The following HAAO variants were observed in gnomAD, a reference collection of about 807,000 sequenced individuals.
HAAO encodes the protein 3-hydroxyanthranilate 3,4-dioxygenase, also known as 3-hydroxyanthranilate oxygenase.
In HAAO, 49 loss-of-function variants were observed where a neutral mutation model predicts 46.2. That is an observed-to-expected ratio of 1.06 (90% CI 0.84 to 1.34). The LOEUF (loss-of-function observed/expected upper bound fraction) is 1.34. HAAO is among the 40% of genes most tolerant of loss of function. HAAO has a pLI of 0.00. For missense variants in HAAO, 408 were observed against 364.5 expected (o/e 1.12, Z -0.97); for synonymous variants, 157 against 145.2 (o/e 1.08, Z -0.58).
chr2:42,784,232 C>T (rs1031169570), intron 2 of HAAO, among the ~76,000 whole-genome samples: 3 of 152,138 alleles, frequency 2.0e-5, no homozygotes, highest in Non-Finnish European at 2.9e-5. Context: ...GGCACTTTTC[C>T]ACCAGAAACC....
intron 1 of HAAO, among the ~76,000 whole-genome samples, chr2:42,791,566 G>C (rs561649232): frequency 6.6e-6 from 1 of 152,238 alleles, no homozygotes; most frequent in South Asian, 2.1e-4. Flanking sequence ...GGAGCCTATC[G>C]CACAGGCGCT....
In HAAO at chr2:42,768,926, T is replaced by G. The variant is rs902229270; in HGVS notation, c.630+787A>C. Among the ~76,000 whole-genome samples the G allele has an allele frequency of 4.6e-5, 7 of 152,286 alleles. No homozygotes were observed. In the East Asian group the frequency reaches 1.4e-3, roughly 29 times the overall value. On this transcript the variant is annotated intron_variant, in intron 7 of 9. Transcript: ENST00000294973. ...CGGCTGCTCCCAGTGCCAGGCTGTT[T>G]CAAGCCTGAAACAGCTCATGCTCAT...
At chr2:42,785,248 G>T (rs1214759056) in intron 2 of HAAO, among the ~76,000 whole-genome samples, 1 of 152,144 alleles carries the variant, frequency 6.6e-6, no homozygotes, top group African/African-American at 2.4e-5. Flanking sequence ...ATTGATGATG[G>T]TAAGAATGAC....
chr2:42,792,546 G>A lies in HAAO; in HGVS notation c.-10C>T. The A allele has an allele frequency of 1.9e-6, 3 of 1,549,270 alleles. No individual in the cohort carries two copies. The highest frequency in any genetic ancestry group is 1.7e-6 in the Non-Finnish European group (2 of 1,150,486). ...CCAGGCGGCGCTCCATGACTGTCCCGGGCGCCTCCTCGCAGCGCTGTCCTC... is the reference window on the plus strand; with the variant it reads ...CCAGGCGGCGCTCCATGACTGTCCCAGGCGCCTCCTCGCAGCGCTGTCCTC... On this transcript the variant is annotated 5_prime_UTR_variant, in exon 1 of 10. Coordinates refer to ENST00000294973, the MANE Select transcript of HAAO (RefSeq NM_012205.3).
In HAAO at chr2:42,767,389, CGAG is replaced by C. The variant is rs748119098; in HGVS notation, c.*45_*47del. Reference sequence around the variant, plus strand: ...AGAGTTGTTTGGCAGGGATGGCACTCGAGGGTGCTTGGCACACCTGTGGCTGCT... The same window carrying C: ...AGAGTTGTTTGGCAGGGATGGCACTCGGTGCTTGGCACACCTGTGGCTGCT... On this transcript the variant is annotated 3_prime_UTR_variant, in exon 10 of 10. Coordinates refer to ENST00000294973, the MANE Select transcript of HAAO (RefSeq NM_012205.3). 664 of 1,353,806 alleles carry C rather than the reference CGAG, an allele frequency of 4.9e-4. 1 individual carries two copies. The highest frequency in any genetic ancestry group is 6.4e-4 in the African/African-American group (45 of 70,242). 83.9% of individuals were successfully genotyped at this position (1,353,806 alleles called of 1,614,324 possible).
At position 42,783,434 on chromosome 2, in the gene HAAO, G is replaced by A. The variant is rs1395636480; in HGVS notation, c.244-14C>T. 15 of 1,518,358 alleles carry A rather than the reference G, an allele frequency of 9.9e-6. No homozygotes were observed. The highest frequency in any genetic ancestry group is 1.7e-5 in the Admixed American group (1 of 59,066). The allele number at this position is 1,518,358 out of a possible 1,614,324, so 94.1% of individuals were successfully genotyped here. On this transcript the variant is annotated splice_polypyrimidine_tract_variant and intron_variant, in intron 3 of 9. Transcript: ENST00000294973. ...CAGGAGGAATATCTGCAGTGGTAGA[G>A]ATAAGGTGCACAGTGAGGCTGCAAT...
chr2:42,775,052 G>C (rs1671437320), intron 4 of HAAO, among the ~76,000 whole-genome samples: 2 of 152,082 alleles, frequency 1.3e-5, no homozygotes, highest in Non-Finnish European at 2.9e-5. Context: ...TTCCAGACTA[G>C]CCTGACCAAC....
intron 4 of HAAO, among the ~76,000 whole-genome samples, chr2:42,777,067 C>T (rs1007534050): frequency 2.6e-5 from 4 of 151,518 alleles, no homozygotes; most frequent in African/African-American, 7.3e-5. Flanking sequence ...TTTGGGAGGC[C>T]GAGGTGGGTT....
chr2:42,787,960 C>T (rs1047718493), intron 2 of HAAO, among the ~76,000 whole-genome samples: 14 of 152,114 alleles, frequency 9.2e-5, no homozygotes, highest in African/African-American at 2.4e-4. Context: ...CCACAAGCCA[C>T]GAATGGGTTT....
At chr2:42,771,444 TAAAA>T (rs112130512) in intron 4 of HAAO, among the ~76,000 whole-genome samples, 1 of 124,730 alleles carries the variant, frequency 8.0e-6, no homozygotes, top group Non-Finnish European at 1.8e-5. Context: ...AATAAATAAG[TAAAA>T]AAAAAAAAAA....
intron 5 of HAAO, 58 bp from the exon 6 acceptor site, chr2:42,770,244 C>CACTCCCATCGGAGTG: frequency 7.0e-7 from 1 of 1,423,930 alleles, no homozygotes; most frequent in Non-Finnish European, 9.7e-7. Context: ...GAGTGGCCAG[C>CACTCCCATCGGAGTG]GACACACACA....
intron 2 of HAAO, among the ~76,000 whole-genome samples, chr2:42,786,774 G>T (rs1013624863): frequency 1.3e-5 from 2 of 152,200 alleles, no homozygotes; most frequent in East Asian, 3.9e-4. Flanking sequence ...CCGGGCCAGG[G>T]AGCTGGAGGT....
chr2:42,786,028 TG>T (rs1558674622), intron 2 of HAAO, among the ~76,000 whole-genome samples: 1 of 97,872 alleles, frequency 1.0e-5, no homozygotes. Context: ...TGTGTGTGTG[TG>T]TGTGTGTGTG....
intron 1 of HAAO, chr2:42,789,193 C>T (rs544676928): frequency 1.3e-4 from 20 of 156,142 alleles, no homozygotes; most frequent in Non-Finnish European, 2.7e-4. Flanking sequence ...CAGTTCTTAC[C>T]TCACAGAGTT....
chr2:42,769,434 A>C (rs1181675550), intron 7 of HAAO, among the ~76,000 whole-genome samples: 1 of 152,060 alleles, frequency 6.6e-6, no homozygotes, highest in East Asian at 1.9e-4. Flanking sequence ...GGAACCTCCA[A>C]CTCTGAAAGT....
rs752624759 is a variant in HAAO at position 42,792,572 on chromosome 2, C to A, written c.-36G>T. ...GGCGCCTCCTCGCAGCGCTGTCCTC[C>A]CGCCGTCGGAGGCCCGCAGCTCCGC... On this transcript the variant is annotated 5_prime_UTR_variant, in exon 1 of 10. Transcript: ENST00000294973. 8 of 1,475,490 alleles carry A rather than the reference C, an allele frequency of 5.4e-6. No homozygotes were observed. The highest frequency in any genetic ancestry group is 7.2e-6 in the Non-Finnish European group (8 of 1,103,878). The allele number at this position is 1,475,490 out of a possible 1,614,324, so 91.4% of individuals were successfully genotyped here. A position where few individuals can be genotyped will look rare whatever the true frequency, so the allele number is the denominator to read the frequency against.
At chr2:42,771,654 G>A (rs1034805997) in intron 4 of HAAO, among the ~76,000 whole-genome samples, 6 of 152,186 alleles carry the variant, frequency 3.9e-5, no homozygotes, top group East Asian at 1.9e-4. Flanking sequence ...CTCCTCCCCC[G>A]GCCTGAGGAG....
At chr2:42,781,176 A>C (rs910703527) in intron 4 of HAAO, among the ~76,000 whole-genome samples, 4 of 152,244 alleles carry the variant, frequency 2.6e-5, no homozygotes, top group African/African-American at 7.2e-5. Flanking sequence ...GCTATTTGTG[A>C]GTATTCTTAA....
intron 2 of HAAO, among the ~76,000 whole-genome samples, chr2:42,788,108 C>T (rs983884840): frequency 6.6e-6 from 1 of 152,206 alleles, no homozygotes; most frequent in Non-Finnish European, 1.5e-5. Flanking sequence ...CCACTCAGCC[C>T]AGCCCTCACC....
Sources: allele counts gnomAD v4.1 joint callset (sites outside exome capture counted in the v4.1 genomes callset), GRCh38; gene constraint gnomAD v4.1.1; transcripts MANE v1.5; gene names NCBI Gene and HGNC (gene_info 2026-07-23, HGNC 2026-07-21).